GSTM2: variants seen among roughly 807,000 people sequenced by gnomAD.
GSTM2 encodes GST class-mu 2.
A neutral mutation model predicts 33.3 loss-of-function variants in GSTM2; 33 were observed. The observed-to-expected ratio is 0.99, with a 90% CI of 0.75 to 1.33. The LOEUF (loss-of-function observed/expected upper bound fraction) is 1.33. Ranked by LOEUF, GSTM2 falls within the 40% of genes most tolerant of loss-of-function variation. The pLI is 0.00. For missense variants in GSTM2, 213 were observed against 265.8 expected, an observed-to-expected ratio of 0.80 and a Z score of 1.38; for synonymous variants, 93 against 95.6, an observed-to-expected ratio of 0.97 and a Z score of 0.16.
chr1:109,678,519 G>A (rs1166994602), downstream of GSTM2, among the ~76,000 whole-genome samples: 1 of 152,074 alleles, frequency 6.6e-6, no homozygotes, highest in African/African-American at 2.4e-5. Context: ...GGCCGAGGGG[G>A]CAGATCACGA....
chr1:109,678,770 A>C (rs1356431023), downstream of GSTM2, among the ~76,000 whole-genome samples: 1 of 152,004 alleles, frequency 6.6e-6, no homozygotes, highest in East Asian at 1.9e-4. Flanking sequence ...AAAAAAAAAA[A>C]AAAAACAAAC....
At chr1:109,673,061 G>A (rs987465973) in intron 7 of GSTM2, 4 of 878,064 alleles carry the variant, frequency 4.6e-6, no homozygotes, top group Non-Finnish European at 5.3e-6. Context: ...GTAGAGATGG[G>A]GTTTTGCTAT....
At chr1:109,678,975 G>C (rs1318447147), downstream of GSTM2, among the ~76,000 whole-genome samples, 1 of 152,034 alleles carries the variant, frequency 6.6e-6, no homozygotes, top group Non-Finnish European at 1.5e-5. Flanking sequence ...TGGTGACTTT[G>C]AGTAGATCCC....
At chr1:109,678,075 C>A (rs1451548148), downstream of GSTM2, among the ~76,000 whole-genome samples, 1 of 152,132 alleles carries the variant, frequency 6.6e-6, no homozygotes, top group Non-Finnish European at 1.5e-5. Context: ...TTTATTCATG[C>A]CTACTTCTTC....
downstream of GSTM2, among the ~76,000 whole-genome samples, chr1:109,676,149 C>T (rs1647698623): frequency 1.3e-5 from 2 of 152,146 alleles, 1 homozygote; most frequent in Admixed American, 1.3e-4. Flanking sequence ...GCACCCGGCC[C>T]CCACCCTTGA....
At chr1:109,673,437 A>C in intron 7 of GSTM2, 2 of 665,020 alleles carry the variant, frequency 3.0e-6, no homozygotes, top group Middle Eastern at 4.2e-4. Context: ...GCATTTGTCC[A>C]ACAGGCTTCT....
At chr1:109,671,973 G>GAAA (rs34285855) in intron 7 of GSTM2, among the ~76,000 whole-genome samples, 24 of 76,348 alleles carry the variant, frequency 3.1e-4, no homozygotes, top group South Asian at 4.8e-4. Context: ...TCCATCTCAA[G>GAAA]AAAAAAAAAA....
At chr1:109,668,404 G>A in intron 1 of GSTM2, 21 bp from the exon 2 acceptor site, 2 of 1,612,956 alleles carry the variant, frequency 1.2e-6, no homozygotes, top group East Asian at 4.5e-5. Context: ...TCTGACCCGA[G>A]CTGTGGGCCA....
chr1:109,669,098 C>T (rs1269387027), intron 3 of GSTM2, 109 bp downstream of exon 3: 2 of 1,344,348 alleles, frequency 1.5e-6, no homozygotes, highest in African/African-American at 1.5e-5. Context: ...TGCCCAATTC[C>T]TCTCACTCTT....
At chr1:109,677,657 G>A (rs1375713010), downstream of GSTM2, among the ~76,000 whole-genome samples, 4 of 152,178 alleles carry the variant, frequency 2.6e-5, no homozygotes, top group Admixed American at 2.0e-4. Flanking sequence ...GAACTGGAAG[G>A]TTGCCTATTG....
chr1:109,669,038 T>C, intron 3 of GSTM2, 49 bp downstream of exon 3: 1 of 1,577,022 alleles, frequency 6.3e-7, no homozygotes, highest in Non-Finnish European at 8.7e-7. Flanking sequence ...GACGTGTCTC[T>C]GACTGCATCT....
intron 7 of GSTM2, among the ~76,000 whole-genome samples, chr1:109,681,545 AATAAT>A (rs1647856939): frequency 6.7e-6 from 1 of 149,054 alleles, no homozygotes; most frequent in African/African-American, 2.5e-5. Flanking sequence ...ATTAATACCT[AATAAT>A]ATGAGTATAT....
intron 7 of GSTM2, chr1:109,681,951 T>C: frequency 1.8e-6 from 1 of 545,914 alleles, no homozygotes; most frequent in Non-Finnish European, 2.9e-6. Context: ...TTTGAAAACA[T>C]ATCCAGCCTA....
At position 109,669,271 on chromosome 1, in the gene GSTM2, CG is replaced by C. The variant is rs1557957840; in HGVS notation, c.178-17del. 5 of 1,613,938 alleles carry C rather than the reference CG, an allele frequency of 3.1e-6. No homozygotes were observed. In the South Asian group the frequency reaches 5.5e-5, roughly 18 times the overall value. ...GCCTGGTGGCCCAACTGAGCTTCCC[CG>C]GTTTCCCATCTATCCAGCTGCCCTA... is the stretch of plus-strand genomic sequence containing the variant. On this transcript the variant is annotated intron_variant, in intron 3 of 7. Transcript: ENST00000241337.
In GSTM2 at chr1:109,674,839, C is replaced by T; in HGVS notation, c.*3C>T. ...TGGCTGTCTGGGGCAACAAGTAGGG[C>T]CTTGAAGGCCAGGAGGTGGGAGTGA... On this transcript the variant is annotated 3_prime_UTR_variant, in exon 8 of 8. Transcript: ENST00000241337. 3 of 1,614,088 alleles carry T rather than the reference C, an allele frequency of 1.9e-6. No individual in the cohort carries two copies. Among genetic ancestry groups the T allele is most frequent in the Non-Finnish European group, 2.5e-6 (3 of 1,179,982 alleles).
chr1:109,679,056 C>G (rs1034559361), downstream of GSTM2, among the ~76,000 whole-genome samples: 2 of 152,058 alleles, frequency 1.3e-5, no homozygotes, highest in African/African-American at 4.8e-5. Flanking sequence ...TCATTGCTCT[C>G]CAGAGACAAT....
chr1:109,670,166 A>G (rs572551094), intron 5 of GSTM2: 1 of 56,960 alleles, frequency 1.8e-5, no homozygotes, highest in Non-Finnish European at 3.7e-5. Flanking sequence ...TGATTGGTCC[A>G]TTTTACAGAG....
downstream of GSTM2, among the ~76,000 whole-genome samples, chr1:109,676,051 C>A (rs1331868997): frequency 2.0e-5 from 3 of 152,162 alleles, no homozygotes; most frequent in African/African-American, 7.2e-5. Flanking sequence ...CAGGGGAACT[C>A]CCACTTATAA....
chr1:109,682,393 AC>A (rs1470372672), intron 7 of GSTM2, among the ~76,000 whole-genome samples: 1 of 61,584 alleles, frequency 1.6e-5, no homozygotes, highest in Non-Finnish European at 4.5e-5. Context: ...GGTGTCTGCC[AC>A]CACGCCCAGC....
Sources: allele counts gnomAD v4.1 joint callset (sites outside exome capture counted in the v4.1 genomes callset), GRCh38; gene constraint gnomAD v4.1.1; transcripts MANE v1.5; gene names NCBI Gene and HGNC (gene_info 2026-07-23, HGNC 2026-07-21).